CTNNA2: variants seen among roughly 807,000 people sequenced by gnomAD.
CTNNA2 encodes catenin alpha 2.
A neutral mutation model predicts 101.0 loss-of-function variants in CTNNA2; 42 were observed. The observed-to-expected ratio is 0.42, with a 90% confidence interval of 0.32 to 0.54. CTNNA2 has a LOEUF of 0.54. Ranked by LOEUF, CTNNA2 falls within the 20% of genes least tolerant of loss-of-function variation. The pLI is 0.14. For synonymous variants in CTNNA2, 450 were observed against 456.4 expected (o/e 0.99, Z 0.18); for missense variants, 871 against 1,223.1 (o/e 0.71, Z 4.29).
intron 7 of CTNNA2, among the ~76,000 whole-genome samples, chr2:80,239,912 C>CAA (rs56873382): frequency 2.1e-4 from 29 of 139,680 alleles, no homozygotes; most frequent in African/African-American, 6.6e-4. Context: ...GACTCCATCT[C>CAA]AAAAAAAAAA....
chr2:80,638,684 G>A (rs1476171736), intron 18 of CTNNA2, among the ~76,000 whole-genome samples: 2 of 152,184 alleles, frequency 1.3e-5, no homozygotes, highest in Non-Finnish European at 2.9e-5. Context: ...TAGGAAATTT[G>A]TTGACTATAA....
At chr2:79,675,822 A>G (rs1207699393) in intron 2 of CTNNA2, among the ~76,000 whole-genome samples, 1 of 152,236 alleles carries the variant, frequency 6.6e-6, no homozygotes, top group Admixed American at 6.5e-5. Flanking sequence ...TTACCTTTAC[A>G]AGGATATAAA....
chr2:80,318,801 G>A (rs1678388650), intron 7 of CTNNA2, among the ~76,000 whole-genome samples: 1 of 152,150 alleles, frequency 6.6e-6, no homozygotes, highest in South Asian at 2.1e-4. Flanking sequence ...TGTTAGGTTA[G>A]GATTCTTTCC....
intron 9 of CTNNA2, among the ~76,000 whole-genome samples, chr2:80,430,303 A>G (rs1681374074): frequency 6.6e-6 from 1 of 152,204 alleles, no homozygotes; most frequent in South Asian, 2.1e-4. Context: ...CTTGTTCCCT[A>G]TGCTAGATAC....
intron 4 of CTNNA2, among the ~76,000 whole-genome samples, chr2:79,486,476 GT>G (rs2104560703): frequency 6.6e-6 from 1 of 152,216 alleles, no homozygotes; most frequent in African/African-American, 2.4e-5. Flanking sequence ...GTCTATCATT[GT>G]TGGACATTTG....
At chr2:80,429,264 T>C (rs987593544) in intron 9 of CTNNA2, among the ~76,000 whole-genome samples, 4 of 152,174 alleles carry the variant, frequency 2.6e-5, no homozygotes, top group Admixed American at 2.6e-4. Flanking sequence ...GTTTTAAAAT[T>C]AACTATTTAT....
At chr2:79,678,085 C>G (rs913408449) in intron 2 of CTNNA2, among the ~76,000 whole-genome samples, 1 of 152,178 alleles carries the variant, frequency 6.6e-6, no homozygotes, top group Non-Finnish European at 1.5e-5. Flanking sequence ...AGGACACTGT[C>G]TACAGAAAGC....
chr2:80,239,931 C>A (rs561395916), intron 7 of CTNNA2, among the ~76,000 whole-genome samples: 2 of 150,270 alleles, frequency 1.3e-5, no homozygotes, highest in Admixed American at 6.6e-5. Context: ...AAACAAAAAA[C>A]AAAACAAAAC....
At chr2:79,303,416 G>A (rs1676160497) in intron 2 of CTNNA2, among the ~76,000 whole-genome samples, 1 of 152,150 alleles carries the variant, frequency 6.6e-6, no homozygotes, top group African/African-American at 2.4e-5. Context: ...TGGGAGAGGG[G>A]CTATCAATTC....
chr2:80,645,310 C>T (rs543330978), intron 18 of CTNNA2, among the ~76,000 whole-genome samples: 4 of 152,184 alleles, frequency 2.6e-5, no homozygotes, highest in African/African-American at 9.6e-5. Flanking sequence ...TGATTGTTCC[C>T]AACATTTTGC....
At position 79,320,821 on chromosome 2, in the gene CTNNA2, T is replaced by C. The variant is rs75911136; in HGVS notation, c.-318+8025T>C. 2.6e-3 allele frequency among the ~76,000 whole-genome samples: 394 copies of C among 152,240 alleles called. 9 individuals are homozygous for C. The East Asian group carries it at 0.062, about 24-fold the overall frequency. On this transcript the variant is annotated intron_variant, in intron 3 of 21. Transcript: ENST00000466387. ...AAGAACAGGAACAACATGAAAGTAC[T>C]GAGGGCCCAAATCACCAATTTTGTT...
intron 6 of CTNNA2, among the ~76,000 whole-genome samples, chr2:79,890,849 G>A (rs1684249389): frequency 7.3e-6 from 1 of 137,796 alleles, no homozygotes; most frequent in South Asian, 3.2e-4. Flanking sequence ...TTTCTTGTGA[G>A]CGCTCACTCT....
At chr2:80,471,753 G>A (rs938783277) in intron 9 of CTNNA2, among the ~76,000 whole-genome samples, 4 of 152,182 alleles carry the variant, frequency 2.6e-5, no homozygotes, top group African/African-American at 4.8e-5. Flanking sequence ...AAAAGGAAGG[G>A]TGAGTAACAG....
rs117425288 is a variant in CTNNA2 at position 79,487,845 on chromosome 2, C to T, written c.-134-17209C>T. On this transcript the variant is annotated intron_variant, in intron 4 of 21. Coordinates refer to the CTNNA2 transcript ENST00000466387. ...ACCATGTTTTGGGATTCATTTATTA[C>T]ATATCAATAGATAACTAAAAGAGTA... Among the ~76,000 whole-genome samples the T allele has an allele frequency of 0.011, 1,697 of 152,186 alleles. 78 individuals carry two copies. The East Asian group carries it at 0.13, about 12-fold the overall frequency.
chr2:79,565,522 A>G (rs1434241355), intron 1 of CTNNA2, among the ~76,000 whole-genome samples: 2 of 152,146 alleles, frequency 1.3e-5, no homozygotes, highest in Non-Finnish European at 2.9e-5. Flanking sequence ...TGATGCAGTA[A>G]GAGATGATGG....
chr2:79,763,092 C>T (rs947800274), intron 3 of CTNNA2, among the ~76,000 whole-genome samples: 2 of 152,270 alleles, frequency 1.3e-5, no homozygotes, highest in South Asian at 2.1e-4. Flanking sequence ...TTGACAGTTT[C>T]GTGATTGACA....
At chr2:79,326,885 T>C (rs1036757563) in intron 3 of CTNNA2, among the ~76,000 whole-genome samples, 9 of 152,120 alleles carry the variant, frequency 5.9e-5, no homozygotes, top group African/African-American at 1.7e-4. Context: ...GCATAATCAA[T>C]TGAGGGGTCT....
At chr2:79,597,269 G>A (rs1677256938) in intron 1 of CTNNA2, among the ~76,000 whole-genome samples, 1 of 151,938 alleles carries the variant, frequency 6.6e-6, no homozygotes, top group Admixed American at 6.6e-5. Context: ...TCAGGAGATC[G>A]AGACCATCCT....
At chr2:80,274,210 G>C (rs1289449938) in intron 7 of CTNNA2, among the ~76,000 whole-genome samples, 1 of 152,194 alleles carries the variant, frequency 6.6e-6, no homozygotes, top group Admixed American at 6.5e-5. Flanking sequence ...GGAACAGTTG[G>C]ATAGGCAGGT....
Sources: gnomAD v4.1 joint callset for allele counts (sites outside exome capture counted in the v4.1 genomes callset) on GRCh38, gnomAD v4.1.1 for gene constraint, MANE v1.5 for transcripts, NCBI Gene and HGNC (gene_info 2026-07-23, HGNC 2026-07-21) for gene names.